ASIC2: variants seen among roughly 807,000 people sequenced by gnomAD.
ASIC2 encodes the protein acid sensing ion channel subunit 2.
A neutral mutation model predicts 57.3 loss-of-function variants in ASIC2; 25 were observed. The observed-to-expected ratio is 0.44, with a 90% CI of 0.32 to 0.61. ASIC2 has a LOEUF of 0.61. Ranked by LOEUF, ASIC2 falls within the 20% of genes least tolerant of loss-of-function variation. The probability of loss-of-function intolerance (pLI) is 0.06; values close to 1 mark genes in which losing one functional copy is unlikely to be tolerated. For synonymous variants in ASIC2, 319 were observed against 307.5 expected (o/e 1.04, Z -0.39); for missense variants, 641 against 738.1 (o/e 0.87, Z 1.52).
Position 33,798,554 on chromosome 17 carries a change from A to T in ASIC2, c.555+357424T>A, listed in dbSNP as rs572785091. ...AGCACCTGGCTCTGTGGAGCGCAGC[A>T]GCTCTCAGGCTGGCATCTTGATGGG... On this transcript the variant is annotated intron_variant, in intron 1 of 9. Transcript: ENST00000359872. Among the ~76,000 whole-genome samples, 7 of 152,324 alleles carry T rather than the reference A, an allele frequency of 4.6e-5. No homozygotes were observed. In the South Asian group the frequency reaches 1.5e-3, roughly 32 times the overall value.
chr17:33,799,357 T>TCTTTCTTTCTTTCTTC (rs1294134237), intron 1 of ASIC2, among the ~76,000 whole-genome samples: 19 of 125,696 alleles, frequency 1.5e-4, no homozygotes, highest in African/African-American at 5.9e-4. Flanking sequence ...TCTTTCTCTT[T>TCTTTCTTTCTTTCTTC]CTTTCTTTCT....
chr17:33,318,813 A>G (rs320643), intron 1 of ASIC2, among the ~76,000 whole-genome samples: 144,867 of 152,184 alleles, frequency 0.95, 68,995 homozygotes, highest in East Asian at 1. Context: ...GGACACAAGA[A>G]GGCCCTTTTG....
intron 1 of ASIC2, among the ~76,000 whole-genome samples, chr17:33,311,342 C>A (rs2142204969): frequency 6.6e-6 from 1 of 152,202 alleles, no homozygotes; most frequent in African/African-American, 2.4e-5. Context: ...TGTGCTCTTT[C>A]TACTAGATGA....
At chr17:33,172,518 C>T (rs892445164) in intron 1 of ASIC2, among the ~76,000 whole-genome samples, 7 of 152,094 alleles carry the variant, frequency 4.6e-5, no homozygotes, top group Non-Finnish European at 8.8e-5. Flanking sequence ...TCCTTACCCC[C>T]TAGGAGACAA....
intron 1 of ASIC2, among the ~76,000 whole-genome samples, chr17:33,662,543 A>G (rs1907304888): frequency 6.6e-6 from 1 of 151,674 alleles, no homozygotes; most frequent in African/African-American, 2.4e-5. Context: ...GAATTGCTTG[A>G]ACCTGGGAGG....
chr17:33,814,753 TTCTG>T (rs376314844), intron 1 of ASIC2, among the ~76,000 whole-genome samples: 44 of 152,364 alleles, frequency 2.9e-4, no homozygotes, highest in African/African-American at 1.0e-3. Flanking sequence ...TTCATAATTT[TTCTG>T]TCTGTTTGCC....
At chr17:33,101,451 A>G (rs556362694) in intron 2 of ASIC2, among the ~76,000 whole-genome samples, 1 of 152,308 alleles carries the variant, frequency 6.6e-6, no homozygotes, top group African/African-American at 2.4e-5. Context: ...CCCGAGTCCT[A>G]CTTCTCAGAA....
chr17:33,708,008 C>A (rs1403747930), intron 1 of ASIC2, among the ~76,000 whole-genome samples: 1 of 152,162 alleles, frequency 6.6e-6, no homozygotes, highest in Non-Finnish European at 1.5e-5. Context: ...CCAAGCTGTG[C>A]AGGGTATTCT....
chr17:34,135,921 C>A (rs1912115178), intron 1 of ASIC2, among the ~76,000 whole-genome samples: 1 of 152,058 alleles, frequency 6.6e-6, no homozygotes, highest in Non-Finnish European at 1.5e-5. Flanking sequence ...ATTGAGAATG[C>A]TCAATAGCTC....
At chr17:33,959,069 C>T (rs559352342) in intron 1 of ASIC2, among the ~76,000 whole-genome samples, 2 of 152,338 alleles carry the variant, frequency 1.3e-5, no homozygotes, top group African/African-American at 4.8e-5. Context: ...GAGACCACCT[C>T]AGCCTGGACT....
chr17:33,030,782 C>T (rs566394229), intron 3 of ASIC2, among the ~76,000 whole-genome samples: 1 of 152,224 alleles, frequency 6.6e-6, no homozygotes, highest in East Asian at 1.9e-4. Flanking sequence ...TGATTTTTCT[C>T]CTTCATTCTA....
chr17:33,688,243 T>C (rs1908255758), intron 1 of ASIC2, among the ~76,000 whole-genome samples: 1 of 152,106 alleles, frequency 6.6e-6, no homozygotes, highest in Admixed American at 6.5e-5. Context: ...TTTTGTGTAG[T>C]TGTGTGTGTT....
intron 1 of ASIC2, among the ~76,000 whole-genome samples, chr17:33,698,357 G>A (rs533944216): frequency 6.6e-6 from 1 of 152,266 alleles, no homozygotes; most frequent in East Asian, 1.9e-4. Flanking sequence ...TCATCGTGTT[G>A]TCATGAACTG....
intron 1 of ASIC2, among the ~76,000 whole-genome samples, chr17:33,590,331 A>G (rs1050563851): frequency 6.6e-6 from 1 of 152,084 alleles, no homozygotes; most frequent in East Asian, 1.9e-4. Context: ...AGCTGTTGCT[A>G]TTGTCATTGT....
intron 1 of ASIC2, among the ~76,000 whole-genome samples, chr17:33,464,332 G>A (rs938173670): frequency 2.0e-5 from 3 of 152,120 alleles, no homozygotes; most frequent in Non-Finnish European, 4.4e-5. Context: ...ATAATATAGT[G>A]TGTGAACCAA....
intron 1 of ASIC2, among the ~76,000 whole-genome samples, chr17:33,654,310 T>C (rs1770133681): frequency 6.6e-6 from 1 of 152,206 alleles, no homozygotes. Context: ...GAAGCAGAAG[T>C]GAAGATCAAC....
intron 1 of ASIC2, among the ~76,000 whole-genome samples, chr17:33,474,614 T>G (rs1222638741): frequency 6.6e-6 from 1 of 152,088 alleles, no homozygotes; most frequent in Non-Finnish European, 1.5e-5. Flanking sequence ...CAGCCCAAGG[T>G]AACTTCCCAA....
chr17:33,377,758 C>T (rs1030209271), intron 1 of ASIC2, among the ~76,000 whole-genome samples: 3 of 152,228 alleles, frequency 2.0e-5, no homozygotes, highest in African/African-American at 7.2e-5. Flanking sequence ...CCCCTAGCTC[C>T]TCTGACCTTC....
At chr17:34,136,369 A>G (rs1912126558) in intron 1 of ASIC2, among the ~76,000 whole-genome samples, 2 of 152,202 alleles carry the variant, frequency 1.3e-5, no homozygotes, top group African/African-American at 2.4e-5. Flanking sequence ...GAGAGATTTT[A>G]CTAAGAGTCT....
Sources: allele counts gnomAD v4.1 joint callset (sites outside exome capture counted in the v4.1 genomes callset), GRCh38; gene constraint gnomAD v4.1.1; transcripts MANE v1.5; gene names NCBI Gene and HGNC (gene_info 2026-07-23, HGNC 2026-07-21).